Variants in IL1RAPL1 observed in about 807,000 individuals in gnomAD.
IL1RAPL1 encodes interleukin 1 receptor accessory protein like 1.
Under a neutral mutation model 48.4 loss-of-function variants are expected in IL1RAPL1, and 3 were observed. The ratio of observed to expected loss-of-function variants is 0.06; its 90% CI spans 0.03 to 0.16. The LOEUF (loss-of-function observed/expected upper bound fraction) is 0.16, where lower values mean the gene tolerates loss of function less well. IL1RAPL1 is among the 10% of genes least tolerant of loss of function. The probability of loss-of-function intolerance (pLI) is 1.00; values close to 1 mark genes in which losing one functional copy is unlikely to be tolerated. For missense variants in IL1RAPL1, 349 were observed against 530.6 expected, an observed-to-expected ratio of 0.66 and a Z score of 3.36; for synonymous variants, 185 against 187.7, an observed-to-expected ratio of 0.99 and a Z score of 0.12.
Position 29,955,921 on chromosome X carries a change from T to G in IL1RAPL1, c.*101T>G. Reference sequence around the variant, plus strand: ...ACTGCTGCTGTTAAAAAACATGCATTAGAATCTCTAGAACACGAGGAAAAA... The same window carrying G: ...ACTGCTGCTGTTAAAAAACATGCATGAGAATCTCTAGAACACGAGGAAAAA... On this transcript the variant is annotated 3_prime_UTR_variant, in exon 11 of 11. Coordinates refer to ENST00000378993, the MANE Select transcript of IL1RAPL1 (RefSeq NM_014271.4). 3.1e-6 allele frequency: 2 copies of G among 635,689 alleles called. No homozygotes were observed. Among genetic ancestry groups the G allele is most frequent in the Non-Finnish European group, 5.2e-6 (2 of 382,025 alleles). The allele number at this position is 635,689 out of a possible 1,213,427, so 52.4% of individuals were successfully genotyped here. A position where few individuals can be genotyped will look rare whatever the true frequency, so the allele number is the denominator to read the frequency against.
At chrX:29,179,748 G>A (rs1383691602) in intron 2 of IL1RAPL1, among the ~76,000 whole-genome samples, 1 of 111,704 alleles carries the variant, frequency 9.0e-6, no homozygotes, top group Non-Finnish European at 1.9e-5. Context: ...CAAAACATAA[G>A]TGATATTCTC....
chrX:28,612,849 G>A (rs980468874), intron 1 of IL1RAPL1, among the ~76,000 whole-genome samples: 4 of 111,864 alleles, frequency 3.6e-5, no homozygotes, highest in African/African-American at 1.3e-4. Context: ...AGGCTCTAAT[G>A]GCTAGTATGG....
chrX:29,803,437 A>C (rs1930150139), intron 6 of IL1RAPL1, among the ~76,000 whole-genome samples: 1 of 96,428 alleles, frequency 1.0e-5, no homozygotes, highest in African/African-American at 3.7e-5. Flanking sequence ...ATATGTATAC[A>C]TCTATGTATA....
intron 6 of IL1RAPL1, among the ~76,000 whole-genome samples, chrX:29,846,328 C>G (rs927402369): frequency 1.8e-5 from 2 of 111,099 alleles, no homozygotes; most frequent in Non-Finnish European, 3.8e-5. Flanking sequence ...ATTTGTTTCC[C>G]GTCCCCTTGC....
chrX:29,176,518 T>A (rs1049684921), intron 2 of IL1RAPL1, among the ~76,000 whole-genome samples: 15 of 110,899 alleles, frequency 1.4e-4, no homozygotes, highest in Admixed American at 1.9e-4. Context: ...CTCAACTGTT[T>A]TATAAATGCA....
At chrX:29,808,377 C>T (rs759121202) in intron 6 of IL1RAPL1, among the ~76,000 whole-genome samples, 2 of 111,410 alleles carry the variant, frequency 1.8e-5, no homozygotes, top group Non-Finnish European at 3.8e-5. Context: ...CTTAATCTAA[C>T]ACATCTAACC....
intron 6 of IL1RAPL1, among the ~76,000 whole-genome samples, chrX:29,830,109 G>A (rs907132504): frequency 4.5e-5 from 5 of 111,730 alleles, no homozygotes; most frequent in Admixed American, 9.5e-5. Flanking sequence ...TACATTTTGC[G>A]GATAATATGT....
chrX:28,720,161 A>C (rs1389179350), intron 1 of IL1RAPL1, among the ~76,000 whole-genome samples: 1 of 111,082 alleles, frequency 9.0e-6, no homozygotes, highest in East Asian at 2.8e-4. Context: ...TCTTTTTTTA[A>C]TTACTCTGAC....
intron 6 of IL1RAPL1, 39 bp downstream of exon 6, chrX:29,668,543 G>A (rs111555124): frequency 0.027 from 25,513 of 954,407 alleles, 295 homozygotes; most frequent in Middle Eastern, 0.05. Context: ...TGCTGCTCTC[G>A]TTACATTGTG....
rs1292192472 is a variant in IL1RAPL1, at chrX:29,080,980, CTT to C, written c.83-201956_83-201955del. On this transcript the variant is annotated intron_variant, in intron 2 of 10. Coordinates refer to ENST00000378993, the MANE Select transcript of IL1RAPL1 (RefSeq NM_014271.4). The stretch of plus-strand genomic sequence containing the variant: ...TCTTTCTTTCTTTCTTTCTTTCTTT[CTT>C]TCTTTCTTTCTTTCTCTCTCTCTCT... 6.7e-3 allele frequency among the ~76,000 whole-genome samples: 291 copies of C among 43,496 alleles called. 2 individuals are homozygous for C. The highest frequency in any genetic ancestry group is 8.2e-3 in the Non-Finnish European group (221 of 26,790). 37.8% of individuals were successfully genotyped at this position (43,496 alleles called of 115,157 possible).
intron 2 of IL1RAPL1, among the ~76,000 whole-genome samples, chrX:29,074,010 G>C (rs1486717201): frequency 9.0e-6 from 1 of 111,304 alleles, no homozygotes; most frequent in Admixed American, 9.6e-5. Context: ...TATATTTTGA[G>C]GGATACTTCA....
At chrX:28,833,176 G>C (rs1299538419) in intron 2 of IL1RAPL1, among the ~76,000 whole-genome samples, 1 of 111,514 alleles carries the variant, frequency 9.0e-6, no homozygotes, top group Non-Finnish European at 1.9e-5. Context: ...CAGCTGCATA[G>C]TATTCCATGG....
intron 2 of IL1RAPL1, among the ~76,000 whole-genome samples, chrX:29,196,787 A>G (rs1398975089): frequency 9.1e-6 from 1 of 110,249 alleles, no homozygotes; most frequent in Non-Finnish European, 1.9e-5. Context: ...AAGTTCCTAT[A>G]TCTTAACTGC....
chrX:29,256,200 G>A (rs1931755374), intron 2 of IL1RAPL1, among the ~76,000 whole-genome samples: 1 of 111,251 alleles, frequency 9.0e-6, no homozygotes, highest in Non-Finnish European at 1.9e-5. Context: ...GCATCTGTCT[G>A]ATTATCTAAT....
At chrX:28,663,380 T>C (rs899657264) in intron 1 of IL1RAPL1, among the ~76,000 whole-genome samples, 10 of 112,254 alleles carry the variant, frequency 8.9e-5, no homozygotes, top group Admixed American at 1.9e-4. Context: ...TTCTTTCCGG[T>C]CTGTGGAGTA....
At chrX:29,344,965 A>G (rs1379468098) in intron 3 of IL1RAPL1, among the ~76,000 whole-genome samples, 1 of 112,750 alleles carries the variant, frequency 8.9e-6, no homozygotes, top group African/African-American at 3.2e-5. Context: ...GACACGACCA[A>G]TCAGACATTT....
At chrX:28,855,768 G>C (rs1001284517) in intron 2 of IL1RAPL1, among the ~76,000 whole-genome samples, 2 of 111,268 alleles carry the variant, frequency 1.8e-5, no homozygotes, top group Non-Finnish European at 3.8e-5. Context: ...CAATGACTTT[G>C]TCTGGAGAGC....
At position 29,135,496 on chromosome X, in the gene IL1RAPL1, T is replaced by C. The variant is rs928658207; in HGVS notation, c.83-147442T>C. ...GCTTATTCTGAAATCTTTAATAAAG[T>C]TGTAAATGAATTATACAATAAATTT... On this transcript the variant is annotated intron_variant, in intron 2 of 10. Coordinates refer to ENST00000378993, the MANE Select transcript of IL1RAPL1 (RefSeq NM_014271.4). Among the ~76,000 whole-genome samples, 3 of 111,903 alleles carry C rather than the reference T, an allele frequency of 2.7e-5. No homozygotes were observed. In the Admixed American group the frequency reaches 2.9e-4, roughly 11 times the overall value.
chrX:28,618,234 T>C (rs1255041594), intron 1 of IL1RAPL1, among the ~76,000 whole-genome samples: 1 of 112,436 alleles, frequency 8.9e-6, no homozygotes, highest in Non-Finnish European at 1.9e-5. Context: ...TCTTTTGGGA[T>C]AGTTACATCT....
Sources: gnomAD v4.1 joint callset for allele counts (sites outside exome capture counted in the v4.1 genomes callset) on GRCh38, gnomAD v4.1.1 for gene constraint, MANE v1.5 for transcripts, NCBI Gene and HGNC (gene_info 2026-07-23, HGNC 2026-07-21) for gene names.